KALRN: variants seen among roughly 807,000 people sequenced by gnomAD.
The protein encoded by KALRN is kalirin RhoGEF kinase, also known as kalirin.
In KALRN, 70 loss-of-function variants were observed where a neutral mutation model predicts 353.7. The observed-to-expected ratio is 0.20, with a 90% confidence interval of 0.16 to 0.24. The LOEUF is 0.24. Ranked by LOEUF, KALRN falls within the 10% of genes least tolerant of loss-of-function variation. The probability of loss-of-function intolerance (pLI) is 1.00; values close to 1 mark genes in which losing one functional copy is unlikely to be tolerated. For synonymous variants in KALRN, 1,391 were observed against 1,434.8 expected, an observed-to-expected ratio of 0.97 and a Z score of 0.69; for missense variants, 2,791 against 3,756.7, an observed-to-expected ratio of 0.74 and a Z score of 6.72.
At chr3:124,066,121 G>T (rs1251064858) in intron 1 of KALRN, among the ~76,000 whole-genome samples, 2 of 152,190 alleles carry the variant, frequency 1.3e-5, no homozygotes, top group Non-Finnish European at 1.5e-5. Context: ...GAGTCATCAG[G>T]CTAGGTGGGA....
At chr3:124,627,205 T>C (rs908426986) in intron 34 of KALRN, among the ~76,000 whole-genome samples, 2 of 152,190 alleles carry the variant, frequency 1.3e-5, no homozygotes, top group Non-Finnish European at 2.9e-5. Flanking sequence ...TTAAAGTGTC[T>C]TGGAAATGGT....
chr3:124,507,533 T>A (rs1422554516), intron 33 of KALRN, among the ~76,000 whole-genome samples: 1 of 152,224 alleles, frequency 6.6e-6, no homozygotes, highest in Non-Finnish European at 1.5e-5. Context: ...AGTATATTGG[T>A]ACACTGAATT....
intron 1 of KALRN, among the ~76,000 whole-genome samples, chr3:124,078,315 A>G (rs1247129481): frequency 6.6e-6 from 1 of 152,076 alleles, no homozygotes; most frequent in Non-Finnish European, 1.5e-5. Flanking sequence ...TGTTTGTGGA[A>G]TGGATATTTA....
intron 37 of KALRN, among the ~76,000 whole-genome samples, chr3:124,644,955 T>C (rs894049260): frequency 7.2e-5 from 11 of 152,204 alleles, no homozygotes; most frequent in African/African-American, 2.4e-4. Context: ...AGTGTAAAAG[T>C]GTTCCTGTTT....
intron 11 of KALRN, among the ~76,000 whole-genome samples, chr3:124,390,839 C>T (rs529592033): frequency 1.6e-4 from 24 of 152,166 alleles, no homozygotes; most frequent in African/African-American, 3.6e-4. Context: ...TCTTACAAAC[C>T]TCCTAGGCTC....
intron 15 of KALRN, among the ~76,000 whole-genome samples, chr3:124,428,261 G>C (rs2093116048): frequency 6.6e-6 from 1 of 152,160 alleles, no homozygotes; most frequent in African/African-American, 2.4e-5. Flanking sequence ...ATGCCAGTAA[G>C]CTCATACAGA....
chr3:124,163,888 T>A, intron 1 of KALRN: 3 of 985,496 alleles, frequency 3.0e-6, no homozygotes, highest in Non-Finnish European at 3.6e-6. Context: ...CAAGTCACTG[T>A]TGACTCAGTT....
chr3:124,498,312 GT>G (rs2064111150), intron 33 of KALRN, among the ~76,000 whole-genome samples: 1 of 152,198 alleles, frequency 6.6e-6, no homozygotes, highest in Non-Finnish European at 1.5e-5. Context: ...TGGACTATTT[GT>G]TGAGTGTGAA....
At chr3:124,631,226 T>G (rs62265578) in intron 34 of KALRN, among the ~76,000 whole-genome samples, 1 of 152,000 alleles carries the variant, frequency 6.6e-6, no homozygotes, top group East Asian at 1.9e-4. Flanking sequence ...TCCATACCCA[T>G]GCCTCTCGCT....
chr3:124,376,401 G>A (rs2086593766), intron 10 of KALRN, among the ~76,000 whole-genome samples: 1 of 152,054 alleles, frequency 6.6e-6, no homozygotes, highest in Non-Finnish European at 1.5e-5. Flanking sequence ...TAATGTGGTG[G>A]GTCAAACCAT....
intron 1 of KALRN, among the ~76,000 whole-genome samples, chr3:124,162,049 A>T (rs571703376): frequency 2.6e-5 from 4 of 152,328 alleles, no homozygotes; most frequent in African/African-American, 9.6e-5. Flanking sequence ...AGAACTGCCC[A>T]TGGTGCCAGA....
At chr3:124,443,486 A>G (rs1199061013) in intron 19 of KALRN, among the ~76,000 whole-genome samples, 4 of 152,230 alleles carry the variant, frequency 2.6e-5, no homozygotes, top group African/African-American at 9.7e-5. Flanking sequence ...AGTTCCCTAC[A>G]GAGAGGAGGG....
At chr3:124,415,435 A>T (rs1007635374) in intron 14 of KALRN, among the ~76,000 whole-genome samples, 7 of 152,262 alleles carry the variant, frequency 4.6e-5, no homozygotes, top group Admixed American at 2.6e-4. Flanking sequence ...CAGCATTAGC[A>T]TCACCTGAGG....
intron 3 of KALRN, among the ~76,000 whole-genome samples, chr3:124,259,039 G>T (rs1369317996): frequency 1.3e-5 from 2 of 152,224 alleles, no homozygotes; most frequent in Non-Finnish European, 2.9e-5. Context: ...TTTATTAAGG[G>T]TCTGCTATTC....
chr3:124,308,126 C>T (rs956336449), intron 6 of KALRN, among the ~76,000 whole-genome samples: 6 of 151,942 alleles, frequency 3.9e-5, no homozygotes, highest in African/African-American at 1.4e-4. Context: ...GATGTAACAA[C>T]TATAAGCACA....
intron 11 of KALRN, among the ~76,000 whole-genome samples, chr3:124,385,386 T>C (rs1379028536): frequency 6.6e-6 from 1 of 152,212 alleles, no homozygotes; most frequent in African/African-American, 2.4e-5. Context: ...CTCTTCCCAC[T>C]ACACACCCAA....
intron 17 of KALRN, among the ~76,000 whole-genome samples, chr3:124,435,155 G>A (rs1239791457): frequency 6.6e-6 from 1 of 152,272 alleles, no homozygotes; most frequent in Non-Finnish European, 1.5e-5. Context: ...TAGTGAGGCA[G>A]CAATGCCTCC....
chr3:124,105,561 A>G (rs1243806619), intron 1 of KALRN, among the ~76,000 whole-genome samples: 1 of 152,188 alleles, frequency 6.6e-6, no homozygotes, highest in Admixed American at 6.5e-5. Context: ...GAGCCAGGAC[A>G]TAATAATTTC....
At chr3:124,534,459 G>A (rs1187202724) in intron 33 of KALRN, among the ~76,000 whole-genome samples, 1 of 152,106 alleles carries the variant, frequency 6.6e-6, no homozygotes, top group Non-Finnish European at 1.5e-5. Context: ...GTTGACAAGT[G>A]CAGCAAACCA....
Sources: allele counts gnomAD v4.1 joint callset (sites outside exome capture counted in the v4.1 genomes callset), GRCh38; gene constraint gnomAD v4.1.1; transcripts MANE v1.5; gene names NCBI Gene and HGNC (gene_info 2026-07-23, HGNC 2026-07-21).